SMOC1: variants seen among roughly 807,000 people sequenced by gnomAD.
SMOC1 encodes SPARC-related modular calcium-binding protein 1.
In SMOC1, 22 loss-of-function variants were observed where a neutral mutation model predicts 56.3. That is an observed-to-expected ratio of 0.39 (90% CI 0.28 to 0.56). The LOEUF (loss-of-function observed/expected upper bound fraction) is 0.56. SMOC1 is among the 20% of genes least tolerant of loss of function. The pLI is 0.61. For synonymous variants in SMOC1, 193 were observed against 215.0 expected, an observed-to-expected ratio of 0.90 and a Z score of 0.89; for missense variants, 509 against 565.4, an observed-to-expected ratio of 0.90 and a Z score of 1.01.
In SMOC1 at chr14:70,031,064, G is replaced by A. The variant is rs1886134018; in HGVS notation, c.*806G>A. 6.6e-6 allele frequency: 1 copy of A among 152,134 alleles called. No individual in the cohort carries two copies. The highest frequency in any genetic ancestry group is 6.5e-5 in the Admixed American group (1 of 15,272). The allele number at this position is 152,134 out of a possible 1,614,324, so 9.4% of individuals were successfully genotyped here. A position where few individuals can be genotyped will look rare whatever the true frequency, so the allele number is the denominator to read the frequency against. On this transcript the variant is annotated 3_prime_UTR_variant, in exon 12 of 12. Coordinates refer to ENST00000361956, the MANE Select transcript of SMOC1 (RefSeq NM_001034852.3). ...TTGGTGGGTGCACCAGTATCTTAGT[G>A]ACCCTCGGAGCAAATTATCCACAAA...
At chr14:69,894,564 A>G (rs78959584) in intron 1 of SMOC1, among the ~76,000 whole-genome samples, 3,264 of 152,268 alleles carry the variant, frequency 0.021, 131 homozygotes, top group African/African-American at 0.074. Flanking sequence ...GGACAAGGTA[A>G]GAGAGTGGAA....
chr14:69,960,543 T>C (rs1883333392), intron 3 of SMOC1, among the ~76,000 whole-genome samples: 1 of 152,174 alleles, frequency 6.6e-6, no homozygotes, highest in Non-Finnish European at 1.5e-5. Flanking sequence ...ATGGTATAAA[T>C]GGTAAATGGT....
At chr14:70,008,548 T>A (rs1885222323) in intron 7 of SMOC1, among the ~76,000 whole-genome samples, 4 of 152,222 alleles carry the variant, frequency 2.6e-5, no homozygotes, top group African/African-American at 7.2e-5. Flanking sequence ...GCCACGAGTC[T>A]GTGCCTCTTC....
At chr14:70,011,823 C>A (rs890215794) in intron 9 of SMOC1, among the ~76,000 whole-genome samples, 2 of 152,206 alleles carry the variant, frequency 1.3e-5, no homozygotes, top group Non-Finnish European at 2.9e-5. Flanking sequence ...TTCCACAATG[C>A]GTTGTCCATC....
intron 10 of SMOC1, among the ~76,000 whole-genome samples, chr14:70,022,743 G>A (rs1885775373): frequency 1.3e-5 from 2 of 152,208 alleles, no homozygotes; most frequent in African/African-American, 4.8e-5. Flanking sequence ...GCCCAGACTG[G>A]CACTGGGCGT....
chr14:69,902,609 C>T (rs985927707), intron 1 of SMOC1, among the ~76,000 whole-genome samples: 8 of 152,102 alleles, frequency 5.3e-5, no homozygotes, highest in African/African-American at 1.9e-4. Context: ...CCCTCTCCCT[C>T]TCCCTCTCCC....
At chr14:69,891,651 C>T (rs1374902206) in intron 1 of SMOC1, among the ~76,000 whole-genome samples, 1 of 152,140 alleles carries the variant, frequency 6.6e-6, no homozygotes, top group Admixed American at 6.5e-5. Flanking sequence ...TGCCTGCCAG[C>T]GTTAGTGCTC....
intron 5 of SMOC1, among the ~76,000 whole-genome samples, chr14:69,982,653 A>G (rs897926792): frequency 2.0e-5 from 3 of 152,176 alleles, no homozygotes; most frequent in African/African-American, 7.2e-5. Flanking sequence ...GGGACATTCC[A>G]CATGTGAAAT....
At chr14:69,906,585 G>A (rs892058526) in intron 1 of SMOC1, among the ~76,000 whole-genome samples, 3 of 152,218 alleles carry the variant, frequency 2.0e-5, no homozygotes, top group Admixed American at 6.5e-5. Context: ...GAATCTGTGA[G>A]CATTATAAAA....
intron 1 of SMOC1, among the ~76,000 whole-genome samples, chr14:69,950,583 G>A (rs1882956408): frequency 6.6e-6 from 1 of 152,132 alleles, no homozygotes; most frequent in African/African-American, 2.4e-5. Context: ...TCATTATTGT[G>A]GGACATTCAT....
chr14:70,018,165 C>A (rs781419306), intron 10 of SMOC1, among the ~76,000 whole-genome samples: 4 of 151,986 alleles, frequency 2.6e-5, no homozygotes, highest in African/African-American at 9.7e-5. Flanking sequence ...GGCATTTTTG[C>A]AGAGTCATCC....
intron 1 of SMOC1, among the ~76,000 whole-genome samples, chr14:69,911,147 G>T (rs956677534): frequency 1.3e-5 from 2 of 152,166 alleles, no homozygotes; most frequent in African/African-American, 2.4e-5. Flanking sequence ...AGGAGTGCCA[G>T]TTAGTGGCTG....
intron 1 of SMOC1, among the ~76,000 whole-genome samples, chr14:69,946,846 C>T (rs1368456622): frequency 6.6e-6 from 1 of 152,192 alleles, no homozygotes; most frequent in Admixed American, 6.5e-5. Context: ...TGGCTTGGTG[C>T]TGTCCTTGCA....
At chr14:69,933,386 G>A (rs865951090) in intron 1 of SMOC1, among the ~76,000 whole-genome samples, 14 of 151,884 alleles carry the variant, frequency 9.2e-5, no homozygotes, top group South Asian at 6.2e-4. Context: ...ACTACGGTTA[G>A]TTAACACATG....
At chr14:69,886,208 G>T in intron 1 of SMOC1, 1 of 761,898 alleles carries the variant, frequency 1.3e-6, no homozygotes, top group Non-Finnish European at 2.2e-6. Flanking sequence ...ATTCTAACTT[G>T]TATTAATCCT....
chr14:69,998,375 T>C (rs1034569593), intron 7 of SMOC1, among the ~76,000 whole-genome samples: 1 of 151,886 alleles, frequency 6.6e-6, no homozygotes, highest in Non-Finnish European at 1.5e-5. Flanking sequence ...CATAGATGAG[T>C]GTTGGATGGA....
chr14:70,000,849 C>G (rs553925200), intron 7 of SMOC1, among the ~76,000 whole-genome samples: 50 of 152,328 alleles, frequency 3.3e-4, no homozygotes, highest in African/African-American at 1.2e-3. Flanking sequence ...CACTTCATCC[C>G]AGCAGCATGC....
intron 3 of SMOC1, among the ~76,000 whole-genome samples, chr14:69,959,920 A>G (rs138672836): frequency 6.6e-6 from 1 of 152,306 alleles, no homozygotes; most frequent in East Asian, 1.9e-4. Flanking sequence ...GGGTTGAGCT[A>G]TGAAGCAGAT....
At chr14:70,009,156 A>T (rs1885247720) in intron 7 of SMOC1, among the ~76,000 whole-genome samples, 1 of 152,204 alleles carries the variant, frequency 6.6e-6, no homozygotes, top group South Asian at 2.1e-4. Flanking sequence ...CACTTCCCAA[A>T]TTCAAAACAA....
Sources: allele counts gnomAD v4.1 joint callset (sites outside exome capture counted in the v4.1 genomes callset), GRCh38; gene constraint gnomAD v4.1.1; transcripts MANE v1.5; gene names NCBI Gene and HGNC (gene_info 2026-07-23, HGNC 2026-07-21).